CHCHD3: variants seen among roughly 807,000 people sequenced by gnomAD.
The protein encoded by CHCHD3 is MICOS complex subunit MIC19.
CHCHD3 carries 20 observed loss-of-function variants against 38.2 expected under a neutral mutation model. That is an observed-to-expected ratio of 0.52 (90% confidence interval 0.37 to 0.76). The LOEUF is 0.76. CHCHD3 is among the 30% of genes least tolerant of loss of function. CHCHD3 has a pLI of 0.00. For synonymous variants in CHCHD3, 82 were observed against 100.0 expected, an observed-to-expected ratio of 0.82 and a Z score of 1.07; for missense variants, 245 against 279.2, an observed-to-expected ratio of 0.88 and a Z score of 0.87.
chr7:133,049,047 T>C (rs1040713836), intron 2 of CHCHD3, among the ~76,000 whole-genome samples: 3 of 152,212 alleles, frequency 2.0e-5, no homozygotes, highest in African/African-American at 7.2e-5. Flanking sequence ...AAGAATGCCA[T>C]AAAAAATCCG....
rs188001184 is a variant in CHCHD3 at position 132,808,093 on chromosome 7, C to G, written c.525-11516G>C. On this transcript the variant is annotated intron_variant, in intron 6 of 7. Transcript: ENST00000262570. ...AAGCTGGGAAACAATTCATAATGCT[C>G]CCTACATTATCAGCCTTCAGCACAA... 1.1e-4 allele frequency among the ~76,000 whole-genome samples: 17 copies of G among 152,254 alleles called. No individual in the cohort carries two copies. The East Asian group carries it at 1.2e-3, about 10-fold the overall frequency.
intron 3 of CHCHD3, among the ~76,000 whole-genome samples, chr7:133,017,950 A>G (rs1031698856): frequency 6.6e-6 from 1 of 152,244 alleles, no homozygotes; most frequent in African/African-American, 2.4e-5. Context: ...CAGACACAGC[A>G]CTTCCAATCA....
In CHCHD3 at chr7:132,885,728, C is replaced by G. The variant is rs759334307; in HGVS notation, c.387G>C (p.Glu129Asp). ...KAKHLARQLE[E>D]KDRVLKKQDA... ...CCTGCTTCTTTAGCACTCGGTCTTT[C>G]TCTTCCAGCTGCCTAGCCTAAAAAA... The change falls in exon 5 of 8, where the codon GAG becomes GAC. Residue 129 changes from glutamate (E) to aspartate (D), a missense_variant. By Grantham distance (45) the Glu-to-Asp change is conservative (BLOSUM62 2). Coordinates refer to ENST00000262570, the MANE Select transcript of CHCHD3 (RefSeq NM_017812.4). 1.2e-6 allele frequency: 2 copies of G among 1,608,936 alleles called. No homozygotes were observed. Among genetic ancestry groups the G allele is most frequent in the East Asian group, 2.2e-5 (1 of 44,586 alleles).
chr7:133,027,191 G>C (rs986902793), intron 2 of CHCHD3, among the ~76,000 whole-genome samples: 1 of 151,430 alleles, frequency 6.6e-6, no homozygotes, highest in Middle Eastern at 3.2e-3. Flanking sequence ...TGTCCACCTC[G>C]ACCACCCAAA....
chr7:132,918,974 T>C (rs1237845765), intron 4 of CHCHD3, among the ~76,000 whole-genome samples: 1 of 152,132 alleles, frequency 6.6e-6, no homozygotes, highest in African/African-American at 2.4e-5. Flanking sequence ...AAAGCAAGTC[T>C]TATGAGGGAA....
rs148801819 is a variant in CHCHD3 at position 132,787,869 on chromosome 7, C to T, written c.661-2209G>A. Among the ~76,000 whole-genome samples, 54 of 152,156 alleles carry T rather than the reference C, an allele frequency of 3.5e-4. No individual in the cohort carries two copies. The East Asian group carries it at 8.9e-3, about 25-fold the overall frequency. On this transcript the variant is annotated intron_variant, in intron 7 of 7. Transcript: ENST00000262570. ...TGAGAAAAACAATGATTCTGTCATACAGGAGGTAAATTAGAAAAGCTAGAT... is the reference window on the plus strand; with the variant it reads ...TGAGAAAAACAATGATTCTGTCATATAGGAGGTAAATTAGAAAAGCTAGAT...
chr7:132,926,470 C>G (rs1810380808), intron 4 of CHCHD3, among the ~76,000 whole-genome samples: 1 of 152,088 alleles, frequency 6.6e-6, no homozygotes, highest in Non-Finnish European at 1.5e-5. Context: ...ATCTGATGGC[C>G]TGTTGGGTGT....
At chr7:133,073,839 G>A (rs1814898136) in intron 1 of CHCHD3, among the ~76,000 whole-genome samples, 1 of 152,106 alleles carries the variant, frequency 6.6e-6, no homozygotes, top group Non-Finnish European at 1.5e-5. Flanking sequence ...TTTGGTGATG[G>A]CCTAACTCTC....
At chr7:133,070,413 C>A (rs1814786157) in intron 1 of CHCHD3, among the ~76,000 whole-genome samples, 184 bp from the exon 2 acceptor site, 1 of 152,130 alleles carries the variant, frequency 6.6e-6, no homozygotes, top group African/African-American at 2.4e-5. Flanking sequence ...GAGATGCACC[C>A]CACAGCACTA....
rs374122183 is a variant in CHCHD3 at position 132,811,040 on chromosome 7, T to G, written c.525-14463A>C. On this transcript the variant is annotated intron_variant, in intron 6 of 7. Transcript: ENST00000262570. ...GCCTGGTTCTTTTCCCTTTCCACCC[T>G]TGGCTAATGTGCTGGCCTGTTGTTT... 4.6e-5 allele frequency among the ~76,000 whole-genome samples: 7 copies of G among 152,258 alleles called. No individual in the cohort carries two copies. In the East Asian group the frequency reaches 1.4e-3, roughly 29 times the overall value.
At chr7:133,014,764 A>T (rs1812981626) in intron 3 of CHCHD3, among the ~76,000 whole-genome samples, 1 of 152,042 alleles carries the variant, frequency 6.6e-6, no homozygotes, top group African/African-American at 2.4e-5. Flanking sequence ...GCACTTCTTT[A>T]TTGCTTCCTA....
At chr7:132,799,671 A>G (rs1806732917) in intron 6 of CHCHD3, among the ~76,000 whole-genome samples, 1 of 152,224 alleles carries the variant, frequency 6.6e-6, no homozygotes, top group Non-Finnish European at 1.5e-5. Context: ...TTACTCAAAA[A>G]CATGTTTAGC....
At chr7:133,047,599 GA>G (rs1314336718) in intron 2 of CHCHD3, among the ~76,000 whole-genome samples, 9 of 152,112 alleles carry the variant, frequency 5.9e-5, no homozygotes, top group Admixed American at 5.2e-4. Flanking sequence ...AATTACAGGT[GA>G]AAAAAATCCA....
intron 3 of CHCHD3, among the ~76,000 whole-genome samples, chr7:133,001,060 G>C (rs898313491): frequency 4.6e-5 from 7 of 152,230 alleles, no homozygotes; most frequent in African/African-American, 1.7e-4. Flanking sequence ...CTTTATTAAG[G>C]CATAGCTTTA....
At chr7:132,928,618 A>T (rs576742399) in intron 4 of CHCHD3, among the ~76,000 whole-genome samples, 50 of 152,216 alleles carry the variant, frequency 3.3e-4, no homozygotes, top group African/African-American at 1.1e-3. Context: ...AATCACTTGA[A>T]CCTGGGAGGC....
intron 3 of CHCHD3, among the ~76,000 whole-genome samples, chr7:132,977,814 G>T: frequency 6.6e-6 from 1 of 151,916 alleles, no homozygotes; most frequent in Middle Eastern, 3.2e-3. Context: ...GTATGGCTTA[G>T]ATTTTAATTA....
rs1271042330 is a variant in CHCHD3, at chr7:133,075,849, G to T, written c.82-5620C>A. On this transcript the variant is annotated intron_variant, in intron 1 of 7. Coordinates refer to ENST00000262570, the MANE Select transcript of CHCHD3 (RefSeq NM_017812.4). Reference sequence around the variant, plus strand: ...CCAAGGCAGGCAGATCATGAGGTCAGAAGATCAAGGCCATCCTGGCTAACA... The same window carrying T: ...CCAAGGCAGGCAGATCATGAGGTCATAAGATCAAGGCCATCCTGGCTAACA... Among the ~76,000 whole-genome samples, 97 of 152,082 alleles carry T rather than the reference G, an allele frequency of 6.4e-4. 1 individual carries two copies.
intron 6 of CHCHD3, among the ~76,000 whole-genome samples, chr7:132,813,197 C>G (rs1476743596): frequency 6.6e-6 from 1 of 152,276 alleles, no homozygotes; most frequent in Non-Finnish European, 1.5e-5. Context: ...TCATCAGCAC[C>G]GTATTAGCCA....
intron 6 of CHCHD3, among the ~76,000 whole-genome samples, chr7:132,811,146 T>G (rs1807059986): frequency 6.6e-6 from 1 of 152,212 alleles, no homozygotes; most frequent in Middle Eastern, 3.2e-3. Flanking sequence ...CATCTTCTTT[T>G]CTATTGATAC....
Sources: allele counts gnomAD v4.1 joint callset (sites outside exome capture counted in the v4.1 genomes callset), GRCh38; gene constraint gnomAD v4.1.1; transcripts MANE v1.5; gene names NCBI Gene and HGNC (gene_info 2026-07-23, HGNC 2026-07-21).